TENM2: variants seen among roughly 807,000 people sequenced by gnomAD.
TENM2 encodes the protein teneurin-2.
TENM2 carries 52 observed loss-of-function variants against 245.2 expected under a neutral mutation model. That is an observed-to-expected ratio of 0.21 (90% CI 0.17 to 0.27). TENM2 has a LOEUF of 0.27. Ranked by LOEUF, TENM2 falls within the 10% of genes least tolerant of loss-of-function variation. The pLI is 1.00. For missense variants in TENM2, 3,046 were observed against 3,666.8 expected, an observed-to-expected ratio of 0.83 and a Z score of 4.37; for synonymous variants, 1,363 against 1,438.9, an observed-to-expected ratio of 0.95 and a Z score of 1.19.
intron 2 of TENM2, among the ~76,000 whole-genome samples, chr5:167,534,125 G>A (rs187544187): frequency 6.6e-6 from 1 of 152,288 alleles, no homozygotes; most frequent in East Asian, 1.9e-4. Context: ...GTGTCCAAAT[G>A]TGTTGATAAA....
chr5:168,177,171 G>A (rs898047857), intron 13 of TENM2, among the ~76,000 whole-genome samples: 2 of 152,178 alleles, frequency 1.3e-5, no homozygotes, highest in Non-Finnish European at 2.9e-5. Flanking sequence ...TCTAAGGCTG[G>A]GCCAGCTGCG....
intron 2 of TENM2, among the ~76,000 whole-genome samples, chr5:167,862,460 T>C (rs1290408703): frequency 6.6e-6 from 1 of 152,222 alleles, no homozygotes; most frequent in Non-Finnish European, 1.5e-5. Context: ...ATCAGTCACT[T>C]TGCACCCAAT....
At chr5:167,657,889 A>G (rs1338325233) in intron 2 of TENM2, among the ~76,000 whole-genome samples, 2 of 152,206 alleles carry the variant, frequency 1.3e-5, no homozygotes, top group African/African-American at 2.4e-5. Context: ...ACATGCATCT[A>G]TATTAGCTGC....
At chr5:168,238,661 C>T (rs530319108) in intron 25 of TENM2, among the ~76,000 whole-genome samples, 1 of 152,168 alleles carries the variant, frequency 6.6e-6, no homozygotes, top group Admixed American at 6.5e-5. Context: ...CCAGCAGGGC[C>T]GTTTTGAAGA....
chr5:168,009,633 A>T (rs1208386694), intron 5 of TENM2, among the ~76,000 whole-genome samples: 1 of 152,208 alleles, frequency 6.6e-6, no homozygotes, highest in Admixed American at 6.5e-5. Flanking sequence ...TAGCATGCTC[A>T]CCTGGGGAAT....
chr5:167,001,028 T>C, the TENM2 span, among the ~76,000 whole-genome samples: 24 of 152,130 alleles, frequency 1.6e-4, no homozygotes, highest in African/African-American at 5.8e-4. Flanking sequence ...GATTGGTTTG[T>C]TGATTGATTG....
At chr5:167,659,346 A>G (rs1582675604) in intron 2 of TENM2, among the ~76,000 whole-genome samples, 1 of 152,220 alleles carries the variant, frequency 6.6e-6, no homozygotes. Context: ...AGCATTCCAC[A>G]TGTCCTTTAC....
chr5:168,189,567 C>T (rs781630471), intron 13 of TENM2, among the ~76,000 whole-genome samples: 6 of 152,150 alleles, frequency 3.9e-5, no homozygotes, highest in Non-Finnish European at 8.8e-5. Flanking sequence ...CCAGAAACTA[C>T]TGCGGAAACT....
the TENM2 span, among the ~76,000 whole-genome samples, chr5:167,192,248 C>T: frequency 6.6e-6 from 1 of 151,876 alleles, no homozygotes; most frequent in African/African-American, 2.4e-5. Context: ...CCAGTGGATT[C>T]GTGTTGATAC....
intron 1 of TENM2, among the ~76,000 whole-genome samples, chr5:167,328,599 A>G (rs1183859553): frequency 1.3e-5 from 2 of 152,192 alleles, no homozygotes; most frequent in East Asian, 3.9e-4. Context: ...AGTTAATCTA[A>G]GCTGCCTCAC....
intron 4 of TENM2, among the ~76,000 whole-genome samples, chr5:167,990,092 A>G (rs1344937003): frequency 6.6e-6 from 1 of 152,168 alleles, no homozygotes; most frequent in African/African-American, 2.4e-5. Flanking sequence ...CTTTGTTTTC[A>G]TTTGATTTCC....
At chr5:167,550,683 TTTTTTTGTTGTTG>T in intron 2 of TENM2, among the ~76,000 whole-genome samples, 1 of 140,168 alleles carries the variant, frequency 7.1e-6, no homozygotes, top group African/African-American at 2.7e-5. Context: ...CAATTACCTT[TTTTTTTGTTGTTG>T]TTAGTGTGTG....
chr5:167,530,545 A>G (rs1026631283), intron 2 of TENM2, among the ~76,000 whole-genome samples: 16 of 152,174 alleles, frequency 1.1e-4, no homozygotes, highest in African/African-American at 3.9e-4. Context: ...TTATCAGCAG[A>G]AAGCCCTGGT....
intron 2 of TENM2, among the ~76,000 whole-genome samples, chr5:167,661,694 G>T (rs540238975): frequency 3.3e-5 from 5 of 152,328 alleles, no homozygotes; most frequent in African/African-American, 7.2e-5. Context: ...TGATTTAGAA[G>T]ATATTGTTTC....
chr5:167,390,637 G>A (rs915515951), intron 2 of TENM2, among the ~76,000 whole-genome samples: 1 of 152,160 alleles, frequency 6.6e-6, no homozygotes, highest in East Asian at 1.9e-4. Flanking sequence ...ATTATAATAA[G>A]CATATGGCTC....
In TENM2 at chr5:167,681,681, A is replaced by G. The variant is rs947382880; in HGVS notation, c.503-194305A>G. 2.0e-5 allele frequency among the ~76,000 whole-genome samples: 3 copies of G among 152,142 alleles called. No individual in the cohort carries two copies. In the East Asian group the frequency reaches 5.8e-4, roughly 29 times the overall value. Reference sequence around the variant, plus strand: ...ATATATGTATGCATATCATATACATAATACATACAAATATATGTACACATG... The same window carrying G: ...ATATATGTATGCATATCATATACATGATACATACAAATATATGTACACATG... On this transcript the variant is annotated intron_variant, in intron 2 of 28. Transcript: ENST00000518659.
chr5:167,070,270 A>G, the TENM2 span, among the ~76,000 whole-genome samples: 3 of 135,590 alleles, frequency 2.2e-5, no homozygotes, highest in Non-Finnish European at 4.6e-5. Flanking sequence ...AGCACCTGCC[A>G]CCACGCCCGG....
At chr5:167,101,868 T>TATATATATATA in the TENM2 span, among the ~76,000 whole-genome samples, 1 of 129,516 alleles carries the variant, frequency 7.7e-6, no homozygotes, top group Non-Finnish European at 1.6e-5. Flanking sequence ...TATATATATA[T>TATATATATATA]ATATATATGC....
chr5:167,387,008 A>G (rs532915215), intron 2 of TENM2, among the ~76,000 whole-genome samples: 2 of 152,062 alleles, frequency 1.3e-5, no homozygotes, highest in African/African-American at 2.4e-5. Flanking sequence ...TTTTGGTTCC[A>G]TATGAATTTT....
Sources: gnomAD v4.1 joint callset for allele counts (sites outside exome capture counted in the v4.1 genomes callset) on GRCh38, gnomAD v4.1.1 for gene constraint, MANE v1.5 for transcripts, NCBI Gene and HGNC (gene_info 2026-07-23, HGNC 2026-07-21) for gene names.